Variants in TBC1D5 observed in about 807,000 individuals in gnomAD.
TBC1D5 encodes the protein TBC1 domain family, member 5.
Under a neutral mutation model 100.3 loss-of-function variants are expected in TBC1D5, and 75 were observed. The observed-to-expected ratio is 0.75, with a 90% CI of 0.62 to 0.91. The LOEUF (loss-of-function observed/expected upper bound fraction) is 0.91. TBC1D5 is among the 40% of genes least tolerant of loss of function. The probability of loss-of-function intolerance (pLI) is 0.00; values close to 1 mark genes in which losing one functional copy is unlikely to be tolerated. For missense variants in TBC1D5, 910 were observed against 942.4 expected, an observed-to-expected ratio of 0.97 and a Z score of 0.45; for synonymous variants, 323 against 325.6, an observed-to-expected ratio of 0.99 and a Z score of 0.09.
intron 13 of TBC1D5, among the ~76,000 whole-genome samples, chr3:17,322,443 A>G (rs2085536348): frequency 6.6e-6 from 1 of 152,246 alleles, no homozygotes; most frequent in South Asian, 2.1e-4. Context: ...ACAGCTACAA[A>G]ACTGGACAAA....
intron 1 of TBC1D5, among the ~76,000 whole-genome samples, chr3:17,648,134 C>T (rs1001392468): frequency 1.3e-5 from 2 of 152,070 alleles, no homozygotes; most frequent in African/African-American, 4.8e-5. Flanking sequence ...AAAACAGGCA[C>T]GCAGACCAAT....
rs369896698 is a variant in TBC1D5 at position 17,374,332 on chromosome 3, C to T, written c.822+139G>A. The T allele has an allele frequency of 5.4e-5, 39 of 720,454 alleles. 1 individual carries two copies. The South Asian group carries it at 1.1e-3, about 20-fold the overall frequency. The allele number at this position is 720,454 out of a possible 1,614,324, so 44.6% of individuals were successfully genotyped here. ...AGAAATATACTTAGATCCCCAGGCTCAATCTTATTCCATAGGTAATTTCAT... is the reference window on the plus strand; with the variant it reads ...AGAAATATACTTAGATCCCCAGGCTTAATCTTATTCCATAGGTAATTTCAT... On this transcript the variant is annotated intron_variant, in intron 12 of 21. Transcript: ENST00000253692.
intron 8 of TBC1D5, among the ~76,000 whole-genome samples, chr3:17,387,019 T>G (rs2093178060): frequency 6.6e-6 from 1 of 152,180 alleles, no homozygotes; most frequent in South Asian, 2.1e-4. Flanking sequence ...CAACTATGAT[T>G]CTGCTCTACA....
chr3:17,475,169 A>G (rs994606070), intron 3 of TBC1D5, among the ~76,000 whole-genome samples: 1 of 151,472 alleles, frequency 6.6e-6, no homozygotes, highest in Non-Finnish European at 1.5e-5. Context: ...CGGTGGTTCT[A>G]CCTTGCCCCG....
At chr3:17,503,994 G>A (rs2095814374) in intron 3 of TBC1D5, among the ~76,000 whole-genome samples, 1 of 149,348 alleles carries the variant, frequency 6.7e-6, no homozygotes, top group Non-Finnish European at 1.5e-5. Context: ...CAAAGGAAGA[G>A]AGGTCAAAGA....
At chr3:17,704,806 G>A (rs1282928992) in intron 1 of TBC1D5, among the ~76,000 whole-genome samples, 9 of 85,096 alleles carry the variant, frequency 1.1e-4, no homozygotes, top group African/African-American at 4.1e-4. Context: ...CCCAGACGGG[G>A]CGGCTGGCCG....
chr3:17,648,480 G>C (rs1160023365), intron 1 of TBC1D5, among the ~76,000 whole-genome samples: 11 of 152,106 alleles, frequency 7.2e-5, no homozygotes, highest in Non-Finnish European at 1.5e-4. Flanking sequence ...TGACAAGTGG[G>C]ATCTTATTAA....
intron 15 of TBC1D5, among the ~76,000 whole-genome samples, chr3:17,274,832 C>A (rs2079813067): frequency 6.6e-6 from 1 of 152,160 alleles, no homozygotes; most frequent in Admixed American, 6.5e-5. Flanking sequence ...AGAATCAAGT[C>A]ACTAAACAAC....
intron 15 of TBC1D5, among the ~76,000 whole-genome samples, chr3:17,287,628 A>C (rs968204953): frequency 6.6e-6 from 1 of 152,238 alleles, no homozygotes; most frequent in African/African-American, 2.4e-5. Context: ...GTTGTTGATT[A>C]ATGTCAGAGT....
intron 2 of TBC1D5, among the ~76,000 whole-genome samples, chr3:17,604,714 TG>T (rs2061223466): frequency 6.6e-6 from 1 of 152,200 alleles, no homozygotes; most frequent in Admixed American, 6.5e-5. Flanking sequence ...AGAGTCTGGC[TG>T]TGTTGCCCAG....
intron 15 of TBC1D5, among the ~76,000 whole-genome samples, chr3:17,286,014 T>C (rs538871600): frequency 1.1e-4 from 16 of 152,330 alleles, no homozygotes; most frequent in Middle Eastern, 3.4e-3. Context: ...GCCAAGTTAC[T>C]AGAAATATTT....
Position 17,325,668 on chromosome 3 carries a change from G to C in TBC1D5, c.996-17534C>G, listed in dbSNP as rs144565445. 3.9e-5 allele frequency among the ~76,000 whole-genome samples: 6 copies of C among 152,220 alleles called. No individual in the cohort carries two copies. The East Asian group carries it at 1.2e-3, about 29-fold the overall frequency. ...GTATTATGCTAAGTGGAATAAACAG[G>C]AATTAAAAGGCTACATACATTTATA... On this transcript the variant is annotated intron_variant, in intron 13 of 21. Transcript: ENST00000253692.
intron 1 of TBC1D5, among the ~76,000 whole-genome samples, chr3:17,709,860 A>C (rs1199118632): frequency 6.6e-6 from 1 of 152,136 alleles, no homozygotes; most frequent in African/African-American, 2.4e-5. Flanking sequence ...GCTATCAACA[A>C]CATGCATAAT....
At chr3:17,557,561 T>C (rs1195469092) in intron 2 of TBC1D5, among the ~76,000 whole-genome samples, 1 of 152,150 alleles carries the variant, frequency 6.6e-6, no homozygotes, top group Non-Finnish European at 1.5e-5. Context: ...GTTGTTATTG[T>C]TGTTTTTGAG....
At chr3:17,220,302 G>T (rs1157738916) in intron 17 of TBC1D5, among the ~76,000 whole-genome samples, 1 of 152,104 alleles carries the variant, frequency 6.6e-6, no homozygotes, top group African/African-American at 2.4e-5. Flanking sequence ...TCTTTGTGGA[G>T]ACTGGATATG....
intron 18 of TBC1D5, among the ~76,000 whole-genome samples, chr3:17,208,946 T>C (rs114112022): frequency 1.2e-3 from 180 of 152,348 alleles, no homozygotes; most frequent in African/African-American, 4.2e-3. Flanking sequence ...TTATTTTTAA[T>C]CTAAGTTATA....
intron 3 of TBC1D5, among the ~76,000 whole-genome samples, chr3:17,466,703 G>A (rs1323706797): frequency 6.6e-6 from 1 of 151,876 alleles, no homozygotes; most frequent in African/African-American, 2.4e-5. Flanking sequence ...CACTAGACAA[G>A]ACATTCCTAT....
intron 3 of TBC1D5, among the ~76,000 whole-genome samples, chr3:17,502,519 T>A (rs2095798833): frequency 6.7e-6 from 1 of 149,424 alleles, no homozygotes; most frequent in African/African-American, 2.5e-5. Flanking sequence ...CTAAGTCCTC[T>A]TCTTGGCCTA....
At chr3:17,403,227 G>C (rs1193364655) in exon 8 of TBC1D5, 4 of 1,588,266 alleles carry the variant, frequency 2.5e-6, no homozygotes, top group East Asian at 2.3e-5. Context: ...TCTTTATCTT[G>C]GAAGAATTTG....
Sources: allele counts gnomAD v4.1 joint callset (sites outside exome capture counted in the v4.1 genomes callset), GRCh38; gene constraint gnomAD v4.1.1; transcripts MANE v1.5; gene names NCBI Gene and HGNC (gene_info 2026-07-23, HGNC 2026-07-21).